The following JARID2 variants were observed in gnomAD, a reference collection of about 807,000 sequenced individuals.
JARID2 encodes the protein jumonji and AT-rich interaction domain containing 2.
A neutral mutation model predicts 125.6 loss-of-function variants in JARID2; 21 were observed. The ratio of observed to expected loss-of-function variants is 0.17; its 90% CI spans 0.12 to 0.24. The LOEUF (loss-of-function observed/expected upper bound fraction) is 0.24, where lower values mean the gene tolerates loss of function less well. JARID2 is among the 10% of genes least tolerant of loss of function. JARID2 has a pLI of 1.00. For synonymous variants in JARID2, 736 were observed against 661.6 expected (o/e 1.11, Z -1.73); for missense variants, 1,303 against 1,639.6 (o/e 0.79, Z 3.55).
rs1360176162 is a variant in JARID2 at position 15,520,278 on chromosome 6, T to C, written c.*27T>C. The C allele has an allele frequency of 6.5e-7, 1 of 1,527,026 alleles. No homozygotes were observed. The highest frequency in any genetic ancestry group is 1.4e-5 in the African/African-American group (1 of 71,174). The allele number at this position is 1,527,026 out of a possible 1,614,324, so 94.6% of individuals were successfully genotyped here. On this transcript the variant is annotated 3_prime_UTR_variant, in exon 18 of 18. Coordinates refer to ENST00000341776, the MANE Select transcript of JARID2 (RefSeq NM_004973.4). ...GATGCCAACGCCCGTGGTCGATTTA[T>C]ATATATTTTTTTGTAATTATTATAT...
At chr6:15,499,618 A>AT (rs2127741027) in intron 7 of JARID2, among the ~76,000 whole-genome samples, 1 of 152,096 alleles carries the variant, frequency 6.6e-6, no homozygotes, top group African/African-American at 2.4e-5. Context: ...AGAACTCCCG[A>AT]TTGTCAGCCA....
chr6:15,431,369 CAT>C (rs1263320085), intron 3 of JARID2, among the ~76,000 whole-genome samples: 8 of 152,164 alleles, frequency 5.3e-5, no homozygotes, highest in Non-Finnish European at 1.2e-4. Flanking sequence ...CCGTATGTCT[CAT>C]AAACGATGCC....
At chr6:15,472,157 G>T (rs1000897771) in intron 5 of JARID2, among the ~76,000 whole-genome samples, 1 of 151,738 alleles carries the variant, frequency 6.6e-6, no homozygotes, top group African/African-American at 2.4e-5. Context: ...CTGGCTCCAG[G>T]CTGGGAAGAC....
chr6:15,393,456 A>C (rs139463843), intron 2 of JARID2, among the ~76,000 whole-genome samples: 1 of 152,218 alleles, frequency 6.6e-6, no homozygotes, highest in Non-Finnish European at 1.5e-5. Context: ...GATTGACTCT[A>C]CTTCTGTGCT....
chr6:15,320,058 A>T (rs1264003570), intron 1 of JARID2, among the ~76,000 whole-genome samples: 1 of 152,192 alleles, frequency 6.6e-6, no homozygotes, highest in East Asian at 1.9e-4. Flanking sequence ...GAACCTGATT[A>T]CTTTTATCTT....
At chr6:15,440,448 G>A (rs1378259812) in intron 3 of JARID2, among the ~76,000 whole-genome samples, 1 of 152,172 alleles carries the variant, frequency 6.6e-6, no homozygotes, top group Non-Finnish European at 1.5e-5. Flanking sequence ...CCCTCCCTTT[G>A]GTTTGATTCA....
chr6:15,388,115 A>T (rs1467857667), intron 2 of JARID2, among the ~76,000 whole-genome samples: 1 of 152,152 alleles, frequency 6.6e-6, no homozygotes, highest in African/African-American at 2.4e-5. Context: ...TAAATCTTCG[A>T]ATTCTGTGAT....
chr6:15,495,264 C>G (rs191346956), intron 6 of JARID2, among the ~76,000 whole-genome samples: 1 of 152,202 alleles, frequency 6.6e-6, no homozygotes, highest in Non-Finnish European at 1.5e-5. Flanking sequence ...AAGATTACCA[C>G]GGCGTCCAAG....
chr6:15,293,614 G>A (rs1028847824), intron 1 of JARID2, among the ~76,000 whole-genome samples: 4 of 152,186 alleles, frequency 2.6e-5, no homozygotes, highest in Non-Finnish European at 5.9e-5. Context: ...ACTGATCATT[G>A]GTATTAGGCA....
At chr6:15,484,788 G>A (rs1381424829) in intron 5 of JARID2, among the ~76,000 whole-genome samples, 1 of 152,136 alleles carries the variant, frequency 6.6e-6, no homozygotes, top group Non-Finnish European at 1.5e-5. Flanking sequence ...TTTGTAGCAG[G>A]CCTCACCATG....
At chr6:15,472,007 A>G (rs1221124837) in intron 5 of JARID2, among the ~76,000 whole-genome samples, 1 of 151,992 alleles carries the variant, frequency 6.6e-6, no homozygotes, top group Non-Finnish European at 1.5e-5. Flanking sequence ...TTAAAATTTT[A>G]TTTAAAAATT....
rs185227964 is a variant in JARID2, at chr6:15,335,191, G to A, written c.46-38926G>A. Among the ~76,000 whole-genome samples, 279 of 151,948 alleles carry A rather than the reference G, an allele frequency of 1.8e-3. 1 individual carries two copies. The highest frequency in any genetic ancestry group is 9.1e-4 in the Non-Finnish European group (62 of 67,970). On this transcript the variant is annotated intron_variant, in intron 1 of 17. Transcript: ENST00000341776. ...TTCGGCTCACTGCAACCTCCGTCTCGTGGCTTCAAGCGATTCTCATGCCTC... is the reference window on the plus strand; with the variant it reads ...TTCGGCTCACTGCAACCTCCGTCTCATGGCTTCAAGCGATTCTCATGCCTC...
At chr6:15,348,172 A>G (rs985041339) in intron 1 of JARID2, among the ~76,000 whole-genome samples, 16 of 151,386 alleles carry the variant, frequency 1.1e-4, no homozygotes, top group Non-Finnish European at 5.9e-5. Flanking sequence ...GCTCACTGCA[A>G]TGTCCGCCTC....
intron 2 of JARID2, among the ~76,000 whole-genome samples, chr6:15,396,905 G>A (rs1177350588): frequency 6.6e-6 from 1 of 152,080 alleles, no homozygotes; most frequent in Non-Finnish European, 1.5e-5. Context: ...CACCCAGTCC[G>A]GGTCACCCTA....
At chr6:15,248,796 C>A (rs982337189) in intron 1 of JARID2, 2 of 406,664 alleles carry the variant, frequency 4.9e-6, no homozygotes, top group Non-Finnish European at 6.6e-6. Context: ...TCCTCCGTGA[C>A]GTCAAAAGTC....
At chr6:15,320,253 A>C (rs1762307729) in intron 1 of JARID2, among the ~76,000 whole-genome samples, 1 of 152,248 alleles carries the variant, frequency 6.6e-6, no homozygotes, top group South Asian at 2.1e-4. Flanking sequence ...CCAGTGACTT[A>C]GTATTCAGTT....
intron 3 of JARID2, among the ~76,000 whole-genome samples, chr6:15,411,859 G>C (rs1016289298): frequency 6.6e-5 from 10 of 152,158 alleles, no homozygotes; most frequent in Non-Finnish European, 1.2e-4. Flanking sequence ...CTGAGAGCTG[G>C]TCAGCATCCG....
chr6:15,314,462 A>T (rs1264749577), intron 1 of JARID2, among the ~76,000 whole-genome samples: 1 of 152,272 alleles, frequency 6.6e-6, no homozygotes, highest in African/African-American at 2.4e-5. Context: ...ATGAATAATA[A>T]GTAAACGGCA....
chr6:15,488,465 T>G (rs1769989906), intron 6 of JARID2, among the ~76,000 whole-genome samples: 1 of 152,170 alleles, frequency 6.6e-6, no homozygotes, highest in Admixed American at 6.5e-5. Flanking sequence ...AGGGTTAAAA[T>G]CTTCCCTAGA....
Sources: gnomAD v4.1 joint callset for allele counts (sites outside exome capture counted in the v4.1 genomes callset) on GRCh38, gnomAD v4.1.1 for gene constraint, MANE v1.5 for transcripts, NCBI Gene and HGNC (gene_info 2026-07-23, HGNC 2026-07-21) for gene names.